The following LITAF variants were observed in gnomAD, a reference collection of about 807,000 sequenced individuals.
The protein encoded by LITAF is lipopolysaccharide induced TNF factor, also known as lipopolysaccharide-induced tumor necrosis factor-alpha factor.
A neutral mutation model predicts 14.5 loss-of-function variants in LITAF; 9 were observed. The observed-to-expected ratio is 0.62, with a 90% CI of 0.37 to 1.08. LITAF has a LOEUF of 1.08. Among genes scored for constraint, LITAF ranks in the 50% least tolerant of loss-of-function variants. LITAF has a pLI of 0.01. For synonymous variants in LITAF, 98 were observed against 88.2 expected (o/e 1.11, Z -0.62); for missense variants, 206 against 213.4 (o/e 0.97, Z 0.22).
chr16:11,587,685 C>T (rs767341878), upstream of LITAF: 71 of 222,128 alleles, frequency 3.2e-4, no homozygotes, highest in Non-Finnish European at 6.2e-4. Flanking sequence ...AAATCAGTAG[C>T]CCCATTTCAC....
chr16:11,622,896 G>T (rs1414378779), intron 3 of LITAF, among the ~76,000 whole-genome samples: 1 of 151,370 alleles, frequency 6.6e-6, no homozygotes, highest in Non-Finnish European at 1.5e-5. Flanking sequence ...TATATCATTA[G>T]TTCATTTAAT....
chr16:11,604,230 G>A (rs557318679), intron 3 of LITAF, among the ~76,000 whole-genome samples: 1 of 152,244 alleles, frequency 6.6e-6, no homozygotes, highest in East Asian at 1.9e-4. Flanking sequence ...ACCCATTCAT[G>A]CCTGCTCTAA....
At chr16:11,616,238 C>G (rs970339618) in intron 3 of LITAF, among the ~76,000 whole-genome samples, 1 of 152,088 alleles carries the variant, frequency 6.6e-6, no homozygotes, top group African/African-American at 2.4e-5. Context: ...TTTTGGGAGG[C>G]TGAAGCAGGC....
chr16:11,556,960 A>G (rs2064280197), intron 1 of LITAF, among the ~76,000 whole-genome samples: 1 of 152,246 alleles, frequency 6.6e-6, no homozygotes, highest in Non-Finnish European at 1.5e-5. Context: ...TGGAAAATCC[A>G]AAGTGGAAAC....
chr16:11,572,935 T>C (rs2064568174), intron 1 of LITAF, among the ~76,000 whole-genome samples: 1 of 150,946 alleles, frequency 6.6e-6, no homozygotes, highest in South Asian at 2.1e-4. Flanking sequence ...TCAAGCTCTT[T>C]TTTTTTTTTT....
At chr16:11,638,125 G>GAT (rs1281181329), upstream of LITAF, among the ~76,000 whole-genome samples, 2 of 82,188 alleles carry the variant, frequency 2.4e-5, no homozygotes, top group African/African-American at 1.1e-4. Context: ...TATATAGATA[G>GAT]ATAGATAGAT....
At chr16:11,587,412 C>T, upstream of LITAF, 1 of 454,036 alleles carries the variant, frequency 2.2e-6, no homozygotes, top group South Asian at 1.6e-5. Context: ...ACTCTACAGA[C>T]GCGTCCGGAC....
chr16:11,610,348 A>G (rs567471304), intron 3 of LITAF, among the ~76,000 whole-genome samples: 1 of 152,292 alleles, frequency 6.6e-6, no homozygotes, highest in Admixed American at 6.5e-5. Flanking sequence ...TTCTAAAATT[A>G]TGCCTAGGTT....
At chr16:11,614,029 A>G (rs1176850848) in intron 3 of LITAF, among the ~76,000 whole-genome samples, 2 of 152,170 alleles carry the variant, frequency 1.3e-5, no homozygotes, top group Non-Finnish European at 2.9e-5. Flanking sequence ...AACACCAGTC[A>G]ACAGTGGAGC....
intron 3 of LITAF, among the ~76,000 whole-genome samples, chr16:11,630,391 G>A (rs1190168211): frequency 2.0e-5 from 3 of 152,114 alleles, no homozygotes; most frequent in Non-Finnish European, 4.4e-5. Flanking sequence ...CTAAAGCCCT[G>A]ATGACAAATC....
At chr16:11,625,166 T>C (rs1201541296) in intron 3 of LITAF, among the ~76,000 whole-genome samples, 3 of 152,080 alleles carry the variant, frequency 2.0e-5, no homozygotes, top group Non-Finnish European at 4.4e-5. Flanking sequence ...ATGAGTGAAA[T>C]TTGGAGAGTG....
At chr16:11,602,731 T>C (rs2064935048), upstream of LITAF, among the ~76,000 whole-genome samples, 3 of 139,644 alleles carry the variant, frequency 2.1e-5, no homozygotes, top group Admixed American at 7.7e-5. Context: ...TACCAGGTTG[T>C]AAGATCTATT....
intron 3 of LITAF, among the ~76,000 whole-genome samples, chr16:11,550,179 T>C (rs2064162560): frequency 6.6e-6 from 1 of 152,166 alleles, no homozygotes; most frequent in South Asian, 2.1e-4. Flanking sequence ...TTCTCCCTCC[T>C]CCTGGGTTCA....
intron 1 of LITAF, among the ~76,000 whole-genome samples, chr16:11,560,903 T>C (rs1356377638): frequency 1.3e-5 from 2 of 152,124 alleles, no homozygotes; most frequent in Non-Finnish European, 2.9e-5. Context: ...TCCTCTGACG[T>C]ACAGGAACAG....
intron 3 of LITAF, among the ~76,000 whole-genome samples, chr16:11,550,431 G>T (rs1160948078): frequency 6.6e-6 from 1 of 152,100 alleles, no homozygotes; most frequent in Non-Finnish European, 1.5e-5. Context: ...CTCTAGAATT[G>T]TGAGAGTTAA....
At chr16:11,556,260 G>C in intron 2 of LITAF, 1 of 545,710 alleles carries the variant, frequency 1.8e-6, no homozygotes, top group South Asian at 2.9e-5. Context: ...GTGCCTCCAA[G>C]AGATGTGCCA....
rs1194336864 is a variant in LITAF at position 11,549,266 on chromosome 16, T to G, written c.*371A>C. The G allele has an allele frequency of 1.1e-5, 5 of 438,498 alleles. No homozygotes were observed. The highest frequency in any genetic ancestry group is 2.3e-5 in the Non-Finnish European group (5 of 218,798). 27.2% of individuals were successfully genotyped at this position (438,498 alleles called of 1,614,324 possible). On this transcript the variant is annotated 3_prime_UTR_variant, in exon 4 of 4. Coordinates refer to ENST00000622633, the MANE Select transcript of LITAF (RefSeq NM_001136472.2). This position sits in a 1 kb window ranked among gnomAD's most constrained non-coding sequence, Gnocchi z 4.6. ...AATAAGGCAACTGTGGCTTCTCAGT[T>G]TGAGACTGCCACCAGAAAGGCCCAT...
At chr16:11,614,691 C>T (rs919356524) in intron 3 of LITAF, among the ~76,000 whole-genome samples, 5 of 152,334 alleles carry the variant, frequency 3.3e-5, no homozygotes, top group African/African-American at 1.2e-4. Context: ...CCTCCACCTC[C>T]AGGGCTCGAG....
rs1002475914 is a variant in LITAF, at chr16:11,632,087, T to G, written c.85+1446A>C. Reference sequence around the variant, plus strand: ...TTTCACCGTGTTAACCAGGATGGTCTTGATCTCCTGACCTCGTGATCCACC... The same window carrying G: ...TTTCACCGTGTTAACCAGGATGGTCGTGATCTCCTGACCTCGTGATCCACC... On this transcript the variant is annotated intron_variant, in intron 3 of 3. Coordinates refer to the LITAF transcript ENST00000574848. The surrounding 1 kb of genome is among the most constrained non-coding windows in gnomAD (Gnocchi z 4.8). 3.3e-5 allele frequency among the ~76,000 whole-genome samples: 5 copies of G among 151,576 alleles called. No homozygotes were observed. The highest frequency in any genetic ancestry group is 2.6e-4 in the Admixed American group (4 of 15,240).
Sources: allele counts gnomAD v4.1 joint callset (sites outside exome capture counted in the v4.1 genomes callset), GRCh38; gene constraint gnomAD v4.1.1; non-coding constraint Gnocchi (gnomAD v3.1); transcripts MANE v1.5; gene names NCBI Gene and HGNC (gene_info 2026-07-23, HGNC 2026-07-21).